The following SPON1 variants were observed in gnomAD, a reference collection of about 807,000 sequenced individuals.
SPON1 encodes spondin 1, also known as spondin-1.
A neutral mutation model predicts 111.7 loss-of-function variants in SPON1; 52 were observed. The ratio of observed to expected loss-of-function variants is 0.47; its 90% CI spans 0.37 to 0.59. The LOEUF (loss-of-function observed/expected upper bound fraction) is 0.59. Among genes scored for constraint, SPON1 ranks in the 20% least tolerant of loss-of-function variants. The pLI is 0.00. For missense variants in SPON1, 957 were observed against 1,068.5 expected (o/e 0.90, Z 1.46); for synonymous variants, 410 against 395.8 (o/e 1.04, Z -0.43).
At chr11:13,987,272 G>A (rs1848192848) in intron 2 of SPON1, among the ~76,000 whole-genome samples, 1 of 152,128 alleles carries the variant, frequency 6.6e-6, no homozygotes, top group South Asian at 2.1e-4. Flanking sequence ...GGCGTGAGAT[G>A]GTATCTCATT....
At chr11:14,050,797 C>T (rs561314017) in intron 3 of SPON1, among the ~76,000 whole-genome samples, 18 of 152,248 alleles carry the variant, frequency 1.2e-4, no homozygotes, top group African/African-American at 3.9e-4. Flanking sequence ...CAGGGTAAAC[C>T]GGGGAAGCCA....
intron 1 of SPON1, among the ~76,000 whole-genome samples, chr11:13,978,798 C>T (rs1055128117): frequency 1.1e-4 from 16 of 151,996 alleles, no homozygotes; most frequent in Admixed American, 9.2e-4. Context: ...TACAACAGGG[C>T]GACATGACAT....
At chr11:14,006,381 G>GCT (rs1554913130) in intron 2 of SPON1, among the ~76,000 whole-genome samples, 5 of 152,152 alleles carry the variant, frequency 3.3e-5, no homozygotes, top group Non-Finnish European at 1.5e-5. Context: ...TAGGAAGAGA[G>GCT]CTCTCATCAA....
At chr11:14,129,493 A>G (rs531185436) in intron 5 of SPON1, among the ~76,000 whole-genome samples, 98 of 152,264 alleles carry the variant, frequency 6.4e-4, no homozygotes, top group Non-Finnish European at 1.0e-3. Context: ...ATCTGAGACC[A>G]CTTCAACCTG....
At chr11:14,032,792 C>CTTTATAT (rs548001996) in intron 2 of SPON1, among the ~76,000 whole-genome samples, 6 of 152,142 alleles carry the variant, frequency 3.9e-5, no homozygotes, top group Non-Finnish European at 7.4e-5. Flanking sequence ...AAAGTGGTGT[C>CTTTATAT]ATAGCACATG....
intron 6 of SPON1, among the ~76,000 whole-genome samples, chr11:14,155,952 A>G (rs1847840730): frequency 7.5e-6 from 1 of 132,790 alleles, no homozygotes; most frequent in African/African-American, 2.7e-5. Context: ...TAGTGCCGCA[A>G]TAAACATACA....
chr11:14,026,250 C>G (rs538324338), intron 2 of SPON1, among the ~76,000 whole-genome samples: 1 of 152,340 alleles, frequency 6.6e-6, no homozygotes, highest in African/African-American at 2.4e-5. Flanking sequence ...AGTAAGTGCT[C>G]AGTACCCACC....
intron 5 of SPON1, among the ~76,000 whole-genome samples, chr11:14,121,397 G>A (rs1182705744): frequency 1.3e-5 from 2 of 152,200 alleles, no homozygotes; most frequent in Non-Finnish European, 2.9e-5. Context: ...TGTGGGAATA[G>A]AGGGGAACAA....
At chr11:14,067,634 A>G (rs1305381865) in intron 3 of SPON1, among the ~76,000 whole-genome samples, 6 of 152,196 alleles carry the variant, frequency 3.9e-5, no homozygotes, top group Non-Finnish European at 7.3e-5. Flanking sequence ...CTCTACTGCG[A>G]AGTTCCTGTC....
chr11:14,209,590 C>A (rs891271762), intron 6 of SPON1, among the ~76,000 whole-genome samples: 3 of 152,178 alleles, frequency 2.0e-5, no homozygotes, highest in African/African-American at 4.8e-5. Flanking sequence ...AGGACATGAA[C>A]TCATCCTTTT....
At chr11:14,252,317 G>T (rs1391187519) in intron 7 of SPON1, among the ~76,000 whole-genome samples, 1 of 151,670 alleles carries the variant, frequency 6.6e-6, no homozygotes, top group East Asian at 1.9e-4. Flanking sequence ...CAAGACCTGC[G>T]CAGAGTGTGG....
intron 1 of SPON1, among the ~76,000 whole-genome samples, chr11:13,978,739 A>G (rs1157757331): frequency 4.6e-5 from 7 of 152,204 alleles, no homozygotes; most frequent in Admixed American, 3.3e-4. Context: ...AAGTTTGCAG[A>G]ATGGAGGAGC....
chr11:14,036,520 A>G (rs770964648), intron 2 of SPON1, among the ~76,000 whole-genome samples: 13 of 152,194 alleles, frequency 8.5e-5, no homozygotes, highest in Non-Finnish European at 1.9e-4. Flanking sequence ...GTTAGTTATT[A>G]ACAGGGTATA....
chr11:14,194,567 C>CACACACAG (rs150398912), intron 6 of SPON1, among the ~76,000 whole-genome samples: 10,227 of 139,342 alleles, frequency 0.073, 1,114 homozygotes, highest in Middle Eastern at 0.13. Flanking sequence ...CACACACACA[C>CACACACAG]GGACTGCCTG....
At chr11:14,251,005 T>C (rs956196156) in intron 7 of SPON1, among the ~76,000 whole-genome samples, 2 of 152,156 alleles carry the variant, frequency 1.3e-5, no homozygotes, top group East Asian at 3.9e-4. Flanking sequence ...GCAGAAATGG[T>C]CCTCACTCTA....
intron 6 of SPON1, among the ~76,000 whole-genome samples, chr11:14,232,564 G>A (rs782166404): frequency 1.3e-5 from 2 of 152,062 alleles, no homozygotes; most frequent in Admixed American, 6.6e-5. Context: ...GGCAACTCTG[G>A]AAGACCACTC....
intron 3 of SPON1, among the ~76,000 whole-genome samples, chr11:14,062,325 G>A (rs1591365046): frequency 6.6e-6 from 1 of 152,166 alleles, no homozygotes; most frequent in Non-Finnish European, 1.5e-5. Context: ...GTAATCAATT[G>A]CAGTTAATCG....
chr11:14,258,257 A>G (rs1416293075), intron 11 of SPON1, among the ~76,000 whole-genome samples: 1 of 152,204 alleles, frequency 6.6e-6, no homozygotes, highest in Non-Finnish European at 1.5e-5. Context: ...ATCTAGATCC[A>G]TTGCCCTAAT....
At chr11:14,075,883 A>T (rs1162830800) in intron 4 of SPON1, among the ~76,000 whole-genome samples, 1 of 152,138 alleles carries the variant, frequency 6.6e-6, no homozygotes, top group Non-Finnish European at 1.5e-5. Context: ...TGACCTTGTG[A>T]TATCACCACA....
Sources: allele counts gnomAD v4.1 joint callset (sites outside exome capture counted in the v4.1 genomes callset), GRCh38; gene constraint gnomAD v4.1.1; transcripts MANE v1.5; gene names NCBI Gene and HGNC (gene_info 2026-07-23, HGNC 2026-07-21).